LRGUK: variants seen among roughly 807,000 people sequenced by gnomAD.
LRGUK encodes the protein leucine-rich repeat and guanylate kinase domain-containing protein.
LRGUK carries 65 observed loss-of-function variants against 76.0 expected under a neutral mutation model. The ratio of observed to expected loss-of-function variants is 0.85; its 90% CI spans 0.70 to 1.05. The LOEUF (loss-of-function observed/expected upper bound fraction) is 1.05, where lower values mean the gene tolerates loss of function less well. Ranked by LOEUF, LRGUK falls within the 50% of genes least tolerant of loss-of-function variation. LRGUK has a pLI of 0.00. For missense variants in LRGUK, 758 were observed against 732.8 expected (o/e 1.03, Z -0.40); for synonymous variants, 268 against 265.6 (o/e 1.01, Z -0.09).
At chr7:134,243,387 A>T (rs1802212854) in intron 16 of LRGUK, among the ~76,000 whole-genome samples, 1 of 152,234 alleles carries the variant, frequency 6.6e-6, no homozygotes, top group Non-Finnish European at 1.5e-5. Flanking sequence ...TGCAAAAATC[A>T]CAAGCATTCC....
At chr7:134,187,180 TA>T (rs5887665) in intron 11 of LRGUK, among the ~76,000 whole-genome samples, 148,152 of 149,658 alleles carry the variant, frequency 0.99, 73,349 homozygotes, top group Middle Eastern at 1. Context: ...TAGTTAAAAT[TA>T]AAAAAAAAAA....
intron 18 of LRGUK, among the ~76,000 whole-genome samples, chr7:134,252,468 A>G (rs1051729136): frequency 6.6e-6 from 1 of 152,200 alleles, no homozygotes; most frequent in Non-Finnish European, 1.5e-5. Context: ...AGATGGTAAG[A>G]TGGACCTCCT....
chr7:134,140,561 A>G (rs1797726128), intron 3 of LRGUK, among the ~76,000 whole-genome samples: 1 of 152,106 alleles, frequency 6.6e-6, no homozygotes, highest in African/African-American at 2.4e-5. Flanking sequence ...ATTTCTAGGG[A>G]AGTGAGCAAA....
chr7:134,186,904 T>G (rs1315460373), intron 11 of LRGUK, among the ~76,000 whole-genome samples: 1 of 152,142 alleles, frequency 6.6e-6, no homozygotes. Flanking sequence ...GAATTAGTGG[T>G]GAGTAGAAAG....
chr7:134,268,826 T>TCATTCTG (rs1025385447), downstream of LRGUK, among the ~76,000 whole-genome samples: 8 of 137,404 alleles, frequency 5.8e-5, no homozygotes, highest in African/African-American at 2.1e-4. Flanking sequence ...GCCTCCTGGG[T>TCATTCTG]CCACGCCATT....
chr7:134,261,389 C>A (rs184460639), intron 19 of LRGUK, among the ~76,000 whole-genome samples: 1 of 152,018 alleles, frequency 6.6e-6, no homozygotes, highest in Non-Finnish European at 1.5e-5. Flanking sequence ...TAGATCATTT[C>A]GTATCTGATT....
chr7:134,138,440 ATTT>A (rs907695946), intron 2 of LRGUK, among the ~76,000 whole-genome samples: 1 of 151,140 alleles, frequency 6.6e-6, no homozygotes, highest in Non-Finnish European at 1.5e-5. Flanking sequence ...GTTACATGTT[ATTT>A]TTTTTACTTT....
At chr7:134,194,857 G>A (rs142643841) in intron 12 of LRGUK, among the ~76,000 whole-genome samples, 30 of 152,304 alleles carry the variant, frequency 2.0e-4, no homozygotes, top group Admixed American at 7.8e-4. Context: ...CACCTTGCCC[G>A]CTGCCTAGAC....
intron 11 of LRGUK, among the ~76,000 whole-genome samples, chr7:134,189,771 T>C (rs1800124185): frequency 6.6e-6 from 1 of 152,212 alleles, no homozygotes; most frequent in Admixed American, 6.5e-5. Flanking sequence ...TGCTAAGGCA[T>C]GTGAAGAAAT....
At chr7:134,161,014 G>T (rs1419436429) in intron 6 of LRGUK, among the ~76,000 whole-genome samples, 1 of 152,006 alleles carries the variant, frequency 6.6e-6, no homozygotes, top group African/African-American at 2.4e-5. Context: ...ATGACAGTAG[G>T]CTATCTAATT....
chr7:134,230,324 C>T (rs1222429), intron 16 of LRGUK, among the ~76,000 whole-genome samples: 7,739 of 152,060 alleles, frequency 0.051, 440 homozygotes, highest in East Asian at 0.15. Flanking sequence ...TATGCATAAA[C>T]TAAAAGTACT....
chr7:134,132,195 T>G (rs1480113630), intron 1 of LRGUK, among the ~76,000 whole-genome samples: 4 of 151,866 alleles, frequency 2.6e-5, no homozygotes, highest in African/African-American at 9.7e-5. Context: ...AAAGAATTTT[T>G]AAAAAATTAG....
downstream of LRGUK, among the ~76,000 whole-genome samples, chr7:134,266,281 C>A (rs1279115707): frequency 6.6e-6 from 1 of 152,134 alleles, no homozygotes. Context: ...AAGAAAAGAC[C>A]ATCAATATAT....
chr7:134,246,863 A>G (rs947377832), intron 16 of LRGUK, among the ~76,000 whole-genome samples: 2 of 152,216 alleles, frequency 1.3e-5, no homozygotes, highest in African/African-American at 4.8e-5. Flanking sequence ...GGTTTGCTTT[A>G]AGGGAGGAAA....
chr7:134,166,989 G>T (rs1267468508), intron 7 of LRGUK, among the ~76,000 whole-genome samples: 1 of 152,216 alleles, frequency 6.6e-6, no homozygotes, highest in African/African-American at 2.4e-5. Context: ...GATTAGGCCT[G>T]TAATGAGAAG....
chr7:134,267,214 A>G (rs550690945), downstream of LRGUK, among the ~76,000 whole-genome samples: 2 of 152,354 alleles, frequency 1.3e-5, no homozygotes, highest in African/African-American at 4.8e-5. Flanking sequence ...TGGAAAGAGT[A>G]AAAATATGGA....
At chr7:134,245,569 T>G (rs1382303902) in intron 16 of LRGUK, among the ~76,000 whole-genome samples, 3 of 152,208 alleles carry the variant, frequency 2.0e-5, no homozygotes, top group Non-Finnish European at 2.9e-5. Flanking sequence ...TTGACATGTT[T>G]TTGATTTCGC....
At chr7:134,186,789 A>T (rs1195443782) in intron 11 of LRGUK, among the ~76,000 whole-genome samples, 2 of 152,204 alleles carry the variant, frequency 1.3e-5, no homozygotes, top group East Asian at 3.8e-4. Context: ...AATCAGTGCT[A>T]TGTGAAATTT....
exon 17 of LRGUK, chr7:134,247,600 T>C (rs1802336803): frequency 6.2e-7 from 1 of 1,613,750 alleles, no homozygotes; most frequent in Admixed American, 1.7e-5. Context: ...CCCGGCAAGC[T>C]CTAATGGGAA....
Sources: gnomAD v4.1 joint callset for allele counts (sites outside exome capture counted in the v4.1 genomes callset) on GRCh38, gnomAD v4.1.1 for gene constraint, MANE v1.5 for transcripts, NCBI Gene and HGNC (gene_info 2026-07-23, HGNC 2026-07-21) for gene names.